JAZF1: variants seen among roughly 807,000 people sequenced by gnomAD.
The protein encoded by JAZF1 is JAZF zinc finger 1.
JAZF1 carries 8 observed loss-of-function variants against 26.4 expected under a neutral mutation model. That is an observed-to-expected ratio of 0.30 (90% CI 0.18 to 0.55). The LOEUF is 0.55. JAZF1 is among the 20% of genes least tolerant of loss of function. JAZF1 has a pLI of 0.94. For missense variants in JAZF1, 199 were observed against 322.0 expected (o/e 0.62, Z 2.92); for synonymous variants, 126 against 122.3 (o/e 1.03, Z -0.20).
At position 27,848,147 on chromosome 7, in the gene JAZF1, T is replaced by C. The variant is rs114966112; in HGVS notation, c.386-7280A>G. ...ATTGCACTGATTCCATATGTCACTTTGGGTAGTGTGGACATTTTAAGAACA... is the reference window on the plus strand; with the variant it reads ...ATTGCACTGATTCCATATGTCACTTCGGGTAGTGTGGACATTTTAAGAACA... On this transcript the variant is annotated intron_variant, in intron 3 of 4. Transcript: ENST00000283928. 3.6e-3 allele frequency among the ~76,000 whole-genome samples: 548 copies of C among 152,336 alleles called. 2 individuals are homozygous for C. The highest frequency in any genetic ancestry group is 0.013 in the African/African-American group (523 of 41,574).
At chr7:27,963,708 C>T (rs1381233697) in intron 2 of JAZF1, among the ~76,000 whole-genome samples, 1 of 116,444 alleles carries the variant, frequency 8.6e-6, no homozygotes, top group Non-Finnish European at 1.7e-5. Flanking sequence ...ACTGTAGGTG[C>T]ACGTCACCAC....
intron 2 of JAZF1, among the ~76,000 whole-genome samples, chr7:27,983,527 C>A (rs1026406724): frequency 6.6e-6 from 1 of 152,172 alleles, no homozygotes. Context: ...AAATACTCTG[C>A]AGGATATTAT....
At chr7:28,056,348 CG>C (rs988939312) in intron 1 of JAZF1, among the ~76,000 whole-genome samples, 3 of 151,550 alleles carry the variant, frequency 2.0e-5, no homozygotes, top group African/African-American at 7.3e-5. Flanking sequence ...CTCCTGGGAG[CG>C]CAAGTCTTTA....
chr7:27,866,262 T>C (rs766482238), intron 3 of JAZF1, among the ~76,000 whole-genome samples: 3 of 152,214 alleles, frequency 2.0e-5, no homozygotes, highest in African/African-American at 7.2e-5. Flanking sequence ...ACAATGATGA[T>C]AGGCCAGATT....
At chr7:28,161,728 C>T (rs1180168368) in intron 1 of JAZF1, among the ~76,000 whole-genome samples, 1 of 152,138 alleles carries the variant, frequency 6.6e-6, no homozygotes, top group East Asian at 1.9e-4. Flanking sequence ...TCCCTGACAG[C>T]CTTTGCTGCT....
chr7:27,951,671 A>G lies in JAZF1; in HGVS notation c.188+40238T>C, dbSNP rs1269258709. ...CTGATGTTGGTGCTTATACTCAACA[A>G]TTCTTCCAAAGGCAGAGAACCAATT... On this transcript the variant is annotated intron_variant, in intron 2 of 4. Coordinates refer to ENST00000283928, the MANE Select transcript of JAZF1 (RefSeq NM_175061.4). 2.0e-5 allele frequency among the ~76,000 whole-genome samples: 3 copies of G among 152,340 alleles called. No homozygotes were observed. The East Asian group carries it at 5.8e-4, about 29-fold the overall frequency.
intron 2 of JAZF1, among the ~76,000 whole-genome samples, chr7:27,951,584 C>T (rs1334975587): frequency 1.3e-5 from 2 of 152,182 alleles, no homozygotes; most frequent in Admixed American, 6.5e-5. Context: ...TGAATTAGTT[C>T]ATTCAGCAAA....
chr7:28,030,223 C>G (rs1221419656), intron 1 of JAZF1, among the ~76,000 whole-genome samples: 1 of 152,186 alleles, frequency 6.6e-6, no homozygotes, highest in Non-Finnish European at 1.5e-5. Context: ...AGCCTCAGTT[C>G]TGACTGTAGT....
At chr7:28,035,656 A>T (rs1783280308) in intron 1 of JAZF1, among the ~76,000 whole-genome samples, 1 of 152,194 alleles carries the variant, frequency 6.6e-6, no homozygotes, top group Non-Finnish European at 1.5e-5. Flanking sequence ...GCTGGAGGAT[A>T]AAGTGCAGAG....
intron 1 of JAZF1, among the ~76,000 whole-genome samples, chr7:27,992,592 A>G (rs912318895): frequency 6.6e-6 from 1 of 152,218 alleles, no homozygotes; most frequent in African/African-American, 2.4e-5. Context: ...GACAGAATTC[A>G]ACACCATAGC....
intron 1 of JAZF1, among the ~76,000 whole-genome samples, chr7:28,101,340 T>C (rs1309730781): frequency 8.5e-5 from 13 of 152,182 alleles, no homozygotes; most frequent in Admixed American, 7.9e-4. Context: ...ACGTGTTATA[T>C]ATTATTACGT....
At chr7:28,086,491 C>A (rs557713521) in intron 1 of JAZF1, among the ~76,000 whole-genome samples, 1 of 152,160 alleles carries the variant, frequency 6.6e-6, no homozygotes, top group Non-Finnish European at 1.5e-5. Context: ...AGTTTCACCA[C>A]GAGCATCTAT....
rs775869382 is a variant in JAZF1, at chr7:27,944,782, C to A, written c.188+47127G>T. On this transcript the variant is annotated intron_variant, in intron 2 of 4. Coordinates refer to ENST00000283928, the MANE Select transcript of JAZF1 (RefSeq NM_175061.4). Reference sequence around the variant, plus strand: ...CCTAAAAACACATGTCAGCAGTTAGCAATCCAGGAGTATGACTGAAGCCAG... The same window carrying A: ...CCTAAAAACACATGTCAGCAGTTAGAAATCCAGGAGTATGACTGAAGCCAG... Among the ~76,000 whole-genome samples the A allele has an allele frequency of 2.1e-3, 319 of 152,214 alleles. 2 individuals carry two copies. The highest frequency in any genetic ancestry group is 2.8e-3 in the Non-Finnish European group (191 of 68,016).
intron 1 of JAZF1, among the ~76,000 whole-genome samples, chr7:28,173,826 A>G (rs1206251077): frequency 1.3e-5 from 2 of 149,188 alleles, no homozygotes; most frequent in African/African-American, 5.0e-5. Context: ...AATTGGAAAG[A>G]CTTCACCCTT....
At chr7:28,094,636 C>T (rs112266349) in intron 1 of JAZF1, among the ~76,000 whole-genome samples, 2 of 152,268 alleles carry the variant, frequency 1.3e-5, no homozygotes, top group African/African-American at 4.8e-5. Flanking sequence ...CAGTAGGCAC[C>T]CAGCACTTGA....
At chr7:27,895,898 T>C (rs1784055391) in intron 2 of JAZF1, among the ~76,000 whole-genome samples, 1 of 152,232 alleles carries the variant, frequency 6.6e-6, no homozygotes. Flanking sequence ...TTTTTAAATT[T>C]TTTGGTATTA....
chr7:28,171,931 T>C (rs937634723), intron 1 of JAZF1, among the ~76,000 whole-genome samples: 5 of 152,134 alleles, frequency 3.3e-5, no homozygotes, highest in African/African-American at 1.2e-4. Context: ...TTCAGACTTT[T>C]CTTATGAAAA....
intron 1 of JAZF1, among the ~76,000 whole-genome samples, chr7:28,002,822 G>C (rs1782625954): frequency 6.6e-6 from 1 of 152,012 alleles, no homozygotes; most frequent in Admixed American, 6.6e-5. Flanking sequence ...CCTTGAGCCA[G>C]GTGCATTCAT....
chr7:27,989,993 A>C (rs1785864286), intron 2 of JAZF1, among the ~76,000 whole-genome samples: 1 of 152,238 alleles, frequency 6.6e-6, no homozygotes, highest in South Asian at 2.1e-4. Flanking sequence ...ATGTATGTTT[A>C]TTGTGGCACT....
Sources: gnomAD v4.1 joint callset for allele counts (sites outside exome capture counted in the v4.1 genomes callset) on GRCh38, gnomAD v4.1.1 for gene constraint, MANE v1.5 for transcripts, NCBI Gene and HGNC (gene_info 2026-07-23, HGNC 2026-07-21) for gene names.